PLPP2: variants seen among roughly 807,000 people sequenced by gnomAD.
PLPP2 encodes the protein phospholipid phosphatase 2.
In PLPP2, 29 loss-of-function variants were observed where a neutral mutation model predicts 35.2. That is an observed-to-expected ratio of 0.82 (90% CI 0.61 to 1.12). The LOEUF is 1.12. Among genes scored for constraint, PLPP2 ranks in the 50% most tolerant of loss-of-function variants. The pLI, the probability that PLPP2 is intolerant of heterozygous loss-of-function variation, is 0.00. For missense variants in PLPP2, 353 were observed against 375.2 expected, an observed-to-expected ratio of 0.94 and a Z score of 0.49; for synonymous variants, 162 against 167.0, an observed-to-expected ratio of 0.97 and a Z score of 0.23.
At chr19:288,275 A>C in intron 1 of PLPP2, 104 bp from the exon 2 acceptor site, 53 of 1,213,158 alleles carry the variant, frequency 4.4e-5, no homozygotes, top group Non-Finnish European at 5.6e-5. Flanking sequence ...CTCTACTCTC[A>C]CCAGACAGCA....
intron 4 of PLPP2, among the ~76,000 whole-genome samples, 170 bp downstream of exon 4, chr19:282,582 C>T (rs748762633): frequency 2.6e-5 from 4 of 151,964 alleles, no homozygotes; most frequent in Admixed American, 6.6e-5. Flanking sequence ...GCACTGAGGC[C>T]GGAGGCAAAC....
chr19:291,234 G>A (rs773700477), intron 1 of PLPP2, 51 bp downstream of exon 1: 3 of 1,594,664 alleles, frequency 1.9e-6, no homozygotes, highest in East Asian at 2.3e-5. Flanking sequence ...AGCCGGGGGC[G>A]TGTCCGTCCC....
chr19:288,357 G>C, intron 1 of PLPP2, 186 bp from the exon 2 acceptor site: 1 of 510,022 alleles, frequency 2.0e-6, no homozygotes, highest in Non-Finnish European at 3.3e-6. Context: ...AACTCCTCAG[G>C]CGCTCTGCCC....
chr19:291,366 G>T lies in PLPP2; in HGVS notation c.-30C>A. On this transcript the variant is annotated 5_prime_UTR_variant, in exon 1 of 6. It adds an upstream start codon to the 5' untranslated region. Transcript: ENST00000434325. ...CCCGCGACCCCCGACGCCGGTCCCA[G>T]CGCGTCCCGTCGCGTCCCGGCCCGG... 1 of 1,582,886 alleles carries T rather than the reference G, an allele frequency of 6.3e-7. No individual in the cohort carries two copies. The highest frequency in any genetic ancestry group is 1.1e-5 in the South Asian group (1 of 88,096).
intron 3 of PLPP2, 26 bp from the exon 4 acceptor site, chr19:282,835 CT>C: frequency 6.2e-7 from 1 of 1,609,932 alleles, no homozygotes; most frequent in Non-Finnish European, 8.5e-7. Context: ...GGGCAGGTGG[CT>C]CACTCAGCGC....
At chr19:288,345 C>G (rs1289576893) in intron 1 of PLPP2, 174 bp from the exon 2 acceptor site, 6 of 561,168 alleles carry the variant, frequency 1.1e-5, no homozygotes, top group Non-Finnish European at 2.9e-6. Context: ...CAGACAAACA[C>G]AAACTCCTCA....
rs2145274859 is a variant in PLPP2, at chr19:287,738, T to C, written c.218A>G (p.Glu73Gly). Residue 73 changes from glutamate to glycine, a missense_variant, in exon 3 of 6, where the codon GAA (glutamate) becomes GGA (glycine). Coordinates refer to ENST00000434325, the MANE Select transcript of PLPP2 (RefSeq NM_003712.4). The surrounding 1 kb of genome is among the most constrained non-coding windows in gnomAD (Gnocchi z 4.3). ...TATVILVSAGEAYLVYTDRLY... is the reference protein window; with the variant it reads ...TATVILVSAGGAYLVYTDRLY... ...CCGGTCTGTGTACACCAGGTAGGCT[T>C]CCCCGGCCGAGACCTGCAAGAGCAG... 1.9e-6 allele frequency: 3 copies of C among 1,613,214 alleles called. No individual in the cohort carries two copies. Among genetic ancestry groups the C allele is most frequent in the Non-Finnish European group, 1.7e-6 (2 of 1,179,790 alleles).
intron 5 of PLPP2, chr19:281,841 G>T (rs1170840238): frequency 2.1e-5 from 8 of 377,838 alleles, no homozygotes; most frequent in African/African-American, 1.9e-4. Context: ...ATGGAGGGGG[G>T]TCCAGGGAAG....
chr19:288,440 TC>T (rs1053476948), intron 1 of PLPP2: 1 of 331,240 alleles, frequency 3.0e-6, no homozygotes, highest in African/African-American at 2.1e-5. Context: ...CAGCCACTTC[TC>T]TCTGCCCAAA....
Position 281,306 on chromosome 19 carries a change from G to T in PLPP2, c.*82C>A, listed in dbSNP as rs1309132994. The T allele has an allele frequency of 3.4e-5, 43 of 1,259,478 alleles. No homozygotes were observed. Among genetic ancestry groups the T allele is most frequent in the Non-Finnish European group, 4.4e-5 (43 of 981,018 alleles). The allele number at this position is 1,259,478 out of a possible 1,614,324, so 78.0% of individuals were successfully genotyped here. A position where few individuals can be genotyped will look rare whatever the true frequency, so the allele number is the denominator to read the frequency against. On this transcript the variant is annotated 3_prime_UTR_variant, in exon 6 of 6. Transcript: ENST00000434325. The stretch of plus-strand genomic sequence containing the variant: ...TCCTGGAGCCCGTCCAGAGCCCTCA[G>T]TGCCTAACCAGGGCTGGAGGGACCA...
chr19:287,969 T>TA lies in PLPP2; in HGVS notation c.204+50_204+51insT. ...CCCCATCAGGCCCCCAGGGTAAAGC[T>TA]GGCCCCACCCCATCCCCCTACCCAG... On this transcript the variant is annotated intron_variant, in intron 2 of 5. Transcript: ENST00000434325. This position sits in a 1 kb window ranked among gnomAD's most constrained non-coding sequence, Gnocchi z 4.3. 7.2e-7 allele frequency: 1 copy of TA among 1,395,846 alleles called. No individual in the cohort carries two copies. 86.5% of individuals were successfully genotyped at this position (1,395,846 alleles called of 1,614,324 possible).
At chr19:286,728 A>T (rs1450382801) in intron 3 of PLPP2, 1 of 151,954 alleles carries the variant, frequency 6.6e-6, no homozygotes, top group Admixed American at 6.6e-5. Context: ...TTAGGAGGCC[A>T]AAGTGGGCGG....
intron 1 of PLPP2, among the ~76,000 whole-genome samples, chr19:289,242 AG>A (rs1970334292): frequency 6.6e-6 from 1 of 152,218 alleles, no homozygotes; most frequent in Non-Finnish European, 1.5e-5. Context: ...CAGCAGGGCA[AG>A]TACAAAAGGG....
Position 282,714 on chromosome 19 carries a change from G to C in PLPP2, c.540+38C>G, listed in dbSNP as rs777628130. ...CAGGGAAGGGAGTGATTTAGCCATG[G>C]TTCCCCCGAAAAGCAAGCCCGGGAG... On this transcript the variant is annotated intron_variant, in intron 4 of 5. Coordinates refer to ENST00000434325, the MANE Select transcript of PLPP2 (RefSeq NM_003712.4). The C allele has an allele frequency of 3.2e-6, 5 of 1,584,650 alleles. No homozygotes were observed. The African/African-American group carries it at 5.4e-5, about 17-fold the overall frequency.
chr19:281,803 C>T lies in PLPP2; in HGVS notation c.718-266G>A, dbSNP rs558199749. Among the ~76,000 whole-genome samples the T allele has an allele frequency of 3.1e-5, 4 of 130,602 alleles. No homozygotes were observed. In the East Asian group the frequency reaches 6.7e-4, roughly 22 times the overall value. The allele number at this position is 130,602 out of a possible 152,430, so 85.7% of individuals were successfully genotyped here. ...GGGGTGCACGGAAAGGAGTCCTGTG[C>T]ACTGGGGTGCAGGGGAGGAATGGGG... On this transcript the variant is annotated intron_variant, in intron 5 of 5. Coordinates refer to ENST00000434325, the MANE Select transcript of PLPP2 (RefSeq NM_003712.4).
chr19:286,340 G>A (rs1231492307), intron 3 of PLPP2: 2 of 151,818 alleles, frequency 1.3e-5, no homozygotes, highest in African/African-American at 4.8e-5. Flanking sequence ...GGATTTGGTG[G>A]TGTATGCCCG....
At chr19:291,020 G>C in intron 1 of PLPP2, 1 of 1,278,974 alleles carries the variant, frequency 7.8e-7, no homozygotes. Flanking sequence ...CTGCTGCCGG[G>C]GCGGGGGATG....
intron 1 of PLPP2, chr19:290,887 G>A: frequency 1.7e-6 from 2 of 1,179,034 alleles, no homozygotes; most frequent in Non-Finnish European, 2.1e-6. Flanking sequence ...CCCAGGGGCG[G>A]AGGCGCGGAC....
In PLPP2 at chr19:287,910, C is replaced by A; in HGVS notation, c.204+110G>T. The A allele has an allele frequency of 6.6e-7, 1 of 1,520,680 alleles. No individual in the cohort carries two copies. The highest frequency in any genetic ancestry group is 1.3e-5 in the South Asian group (1 of 79,500). The allele number at this position is 1,520,680 out of a possible 1,614,324, so 94.2% of individuals were successfully genotyped here. On this transcript the variant is annotated intron_variant, in intron 2 of 5. Coordinates refer to ENST00000434325, the MANE Select transcript of PLPP2 (RefSeq NM_003712.4). The surrounding 1 kb of genome is among the most constrained non-coding windows in gnomAD (Gnocchi z 4.3). The stretch of plus-strand genomic sequence containing the variant: ...CAGGGCAAGGCTGTGTCCCCCGGCC[C>A]CACACAGACCTCCAGGGCAGGGCTG...
Sources: allele counts gnomAD v4.1 joint callset (sites outside exome capture counted in the v4.1 genomes callset), GRCh38; gene constraint gnomAD v4.1.1; non-coding constraint Gnocchi (gnomAD v3.1); transcripts MANE v1.5; gene names NCBI Gene and HGNC (gene_info 2026-07-23, HGNC 2026-07-21).